Variants in XPO7 observed in about 807,000 individuals in gnomAD.
XPO7 encodes exportin-7.
A neutral mutation model predicts 144.3 loss-of-function variants in XPO7; 21 were observed. The observed-to-expected ratio is 0.15, with a 90% CI of 0.10 to 0.21. XPO7 has a LOEUF of 0.21. Ranked by LOEUF, XPO7 falls within the 10% of genes least tolerant of loss-of-function variation. XPO7 has a pLI of 1.00. For synonymous variants in XPO7, 580 were observed against 499.6 expected, an observed-to-expected ratio of 1.16 and a Z score of -2.15; for missense variants, 808 against 1,325.8, an observed-to-expected ratio of 0.61 and a Z score of 6.06.
Position 21,919,710 on chromosome 8 carries a change from C to A in XPO7, c.-61C>A. 2 of 231,392 alleles carry A rather than the reference C, an allele frequency of 8.6e-6. No homozygotes were observed. Among genetic ancestry groups the A allele is most frequent in the Non-Finnish European group, 8.1e-6 (1 of 123,208 alleles). 14.3% of individuals were successfully genotyped at this position (231,392 alleles called of 1,614,324 possible). ...GCGTCGGCGGCGGCGGCGGCAGCGG[C>A]TCCGGCCGAGGTGCGCGCTGGGGGG... On this transcript the variant is annotated 5_prime_UTR_variant, in exon 1 of 28. Transcript: ENST00000252512.
intron 6 of XPO7, among the ~76,000 whole-genome samples, chr8:21,975,020 A>G (rs1204092499): frequency 6.6e-6 from 1 of 152,250 alleles, no homozygotes; most frequent in South Asian, 2.1e-4. Context: ...GTAAGTGAGC[A>G]TTTATCCCAT....
At chr8:21,976,549 C>CTGTCTGTCACTCCCCTACAGAG in intron 7 of XPO7, 28 bp downstream of exon 7, 1 of 1,597,554 alleles carries the variant, frequency 6.3e-7, no homozygotes, top group Middle Eastern at 1.9e-4. Flanking sequence ...ACCTCAAAGG[C>CTGTCTGTCACTCCCCTACAGAG]TGTCTGTCAC....
At chr8:21,958,403 T>A (rs1007410149) in intron 1 of XPO7, among the ~76,000 whole-genome samples, 15 of 152,226 alleles carry the variant, frequency 9.9e-5, no homozygotes, top group African/African-American at 3.6e-4. Context: ...TTAAACCATA[T>A]TGTTGATTTA....
chr8:21,977,471 C>G (rs1812262584), intron 7 of XPO7, among the ~76,000 whole-genome samples: 1 of 152,152 alleles, frequency 6.6e-6, no homozygotes, highest in African/African-American at 2.4e-5. Flanking sequence ...CCCAGCTACT[C>G]TGGAGGCTGA....
intron 5 of XPO7, among the ~76,000 whole-genome samples, chr8:21,973,987 CA>C (rs1284664736): frequency 3.3e-5 from 5 of 152,100 alleles, no homozygotes; most frequent in Non-Finnish European, 7.4e-5. Flanking sequence ...GTAAATTCTG[CA>C]GTAACTTCAG....
chr8:22,002,008 T>A (rs1813165113), intron 24 of XPO7, 104 bp from the exon 25 acceptor site: 7 of 1,389,510 alleles, frequency 5.0e-6, no homozygotes, highest in Non-Finnish European at 6.8e-6. Flanking sequence ...ACCGCCTTGG[T>A]TGAATTGGCC....
At chr8:21,936,022 G>A (rs1325987981) in intron 1 of XPO7, among the ~76,000 whole-genome samples, 2 of 152,080 alleles carry the variant, frequency 1.3e-5, no homozygotes, top group African/African-American at 4.8e-5. Flanking sequence ...ATTGCTACAG[G>A]AAAGATCGAC....
chr8:21,943,966 T>G (rs1051329873), intron 1 of XPO7, among the ~76,000 whole-genome samples: 2 of 152,218 alleles, frequency 1.3e-5, no homozygotes, highest in Admixed American at 6.5e-5. Flanking sequence ...GGAAATGTTA[T>G]AGACAAAAAT....
chr8:21,929,019 A>T (rs561517835), intron 1 of XPO7, among the ~76,000 whole-genome samples: 1 of 152,222 alleles, frequency 6.6e-6, no homozygotes, highest in African/African-American at 2.4e-5. Context: ...CTATTGCCTG[A>T]CTTTTGGGTG....
intron 1 of XPO7, among the ~76,000 whole-genome samples, 170 bp downstream of exon 1, chr8:21,919,958 C>T (rs1250946317): frequency 6.6e-6 from 1 of 151,820 alleles, no homozygotes; most frequent in East Asian, 2.0e-4. Context: ...CCTTTCCCGC[C>T]TCCCGGGCCG....
At position 21,987,871 on chromosome 8, in the gene XPO7, C is replaced by A. The variant is rs760352368; in HGVS notation, c.1787+14C>A. On this transcript the variant is annotated intron_variant, in intron 15 of 27. Transcript: ENST00000252512. Reference sequence around the variant, plus strand: ...CATAGGAAAAATGTAAGTGTTTCAGCTTGCCACCAGCAAGAGTCCTTTGCA... The same window carrying A: ...CATAGGAAAAATGTAAGTGTTTCAGATTGCCACCAGCAAGAGTCCTTTGCA... 2 of 1,612,940 alleles carry A rather than the reference C, an allele frequency of 1.2e-6. No individual in the cohort carries two copies. Among genetic ancestry groups the A allele is most frequent in the Admixed American group, 3.3e-5 (2 of 59,866 alleles).
At chr8:21,956,838 A>G (rs926228437) in intron 1 of XPO7, among the ~76,000 whole-genome samples, 1 of 148,958 alleles carries the variant, frequency 6.7e-6, no homozygotes, top group Admixed American at 6.7e-5. Flanking sequence ...CCTTCTCCCT[A>G]TATAGTTTTT....
intron 11 of XPO7, among the ~76,000 whole-genome samples, chr8:21,984,283 G>A (rs545475814): frequency 5.9e-5 from 9 of 152,076 alleles, no homozygotes; most frequent in Non-Finnish European, 1.3e-4. Flanking sequence ...TCCCACACAG[G>A]ACTGTGTACT....
intron 1 of XPO7, among the ~76,000 whole-genome samples, chr8:21,935,706 A>C (rs1249491915): frequency 6.6e-6 from 1 of 152,226 alleles, no homozygotes; most frequent in African/African-American, 2.4e-5. Context: ...GTGTAGTAGA[A>C]GGTTAAATAA....
chr8:21,958,471 AAC>A (rs1305209877), intron 1 of XPO7, among the ~76,000 whole-genome samples: 1 of 152,190 alleles, frequency 6.6e-6, no homozygotes, highest in Non-Finnish European at 1.5e-5. Flanking sequence ...AAATTTATCT[AAC>A]ACACACAATT....
chr8:21,936,471 C>T (rs1471032810), intron 1 of XPO7, among the ~76,000 whole-genome samples: 1 of 152,204 alleles, frequency 6.6e-6, no homozygotes, highest in African/African-American at 2.4e-5. Context: ...TTAAATGATA[C>T]ATACTCTAAA....
chr8:21,937,999 T>G (rs566454050), intron 1 of XPO7, among the ~76,000 whole-genome samples: 1 of 152,308 alleles, frequency 6.6e-6, no homozygotes, highest in Non-Finnish European at 1.5e-5. Flanking sequence ...TTTTTCAAAC[T>G]TTCTGCATAT....
intron 27 of XPO7, 148 bp downstream of exon 27, chr8:22,004,178 C>G: frequency 2.1e-6 from 2 of 941,590 alleles, no homozygotes; most frequent in Non-Finnish European, 3.1e-6. Context: ...CCATGTTAAA[C>G]AGGCAAAATT....
At position 21,921,149 on chromosome 8, in the gene XPO7, AATG is replaced by A. The variant is rs574074353; in HGVS notation, c.18+1364_18+1366del. Among the ~76,000 whole-genome samples the A allele has an allele frequency of 2.0e-5, 3 of 152,342 alleles. No homozygotes were observed. The South Asian group carries it at 6.2e-4, about 32-fold the overall frequency. On this transcript the variant is annotated intron_variant, in intron 1 of 27. Coordinates refer to ENST00000252512, the MANE Select transcript of XPO7 (RefSeq NM_015024.5). ...AAAGTTGATACAAGGAGATGATAATAATGATAATAATAATAGTATAGCACCTTG... is the reference window on the plus strand; with the variant it reads ...AAAGTTGATACAAGGAGATGATAATAATAATAATAATAGTATAGCACCTTG...
Sources: allele counts gnomAD v4.1 joint callset (sites outside exome capture counted in the v4.1 genomes callset), GRCh38; gene constraint gnomAD v4.1.1; transcripts MANE v1.5; gene names NCBI Gene and HGNC (gene_info 2026-07-23, HGNC 2026-07-21).